Variants in RTL9 observed in about 807,000 individuals in gnomAD.
The protein encoded by RTL9 is retrotransposon Gag like 9.
Under a neutral mutation model 44.7 loss-of-function variants are expected in RTL9, and 19 were observed. The ratio of observed to expected loss-of-function variants is 0.42; its 90% confidence interval spans 0.30 to 0.62. RTL9 has a LOEUF of 0.62. Ranked by LOEUF, RTL9 falls within the 20% of genes least tolerant of loss-of-function variation. The probability of loss-of-function intolerance (pLI) is 0.16; values close to 1 mark genes in which losing one functional copy is unlikely to be tolerated. For missense variants in RTL9, 1,105 were observed against 1,080.6 expected, an observed-to-expected ratio of 1.02 and a Z score of -0.32; for synonymous variants, 407 against 398.9, an observed-to-expected ratio of 1.02 and a Z score of -0.24.
upstream of RTL9, among the ~76,000 whole-genome samples, chrX:110,417,568 T>G (rs2068686887): frequency 8.9e-6 from 1 of 111,922 alleles, no homozygotes; most frequent in Non-Finnish European, 1.9e-5. Context: ...GGTTTTGTGA[T>G]GGAGGTGGGT....
intron 1 of RTL9, among the ~76,000 whole-genome samples, chrX:110,374,155 T>C (rs1167884764): frequency 1.8e-5 from 2 of 111,899 alleles, no homozygotes. Flanking sequence ...ATTAAAACCA[T>C]GTACCTAGTT....
At chrX:110,422,728 G>A (rs940729664) in intron 1 of RTL9, among the ~76,000 whole-genome samples, 3 of 112,029 alleles carry the variant, frequency 2.7e-5, no homozygotes, top group African/African-American at 9.7e-5. Context: ...GAACTTATAT[G>A]CTCTTTCCAA....
exon 2 of RTL9, chrX:110,455,259 G>C: frequency 1.7e-6 from 2 of 1,210,415 alleles, no homozygotes; most frequent in Non-Finnish European, 2.2e-6. Flanking sequence ...CCCCCAAGAA[G>C]GTCTTCATGA....
At chrX:110,388,349 G>A (rs935181768) in intron 1 of RTL9, among the ~76,000 whole-genome samples, 1 of 111,727 alleles carries the variant, frequency 9.0e-6, no homozygotes, top group African/African-American at 3.3e-5. Flanking sequence ...TTCCAAACCT[G>A]GGTGTGTTAA....
At chrX:110,415,821 G>T (rs1270575827), upstream of RTL9, among the ~76,000 whole-genome samples, 2 of 111,265 alleles carry the variant, frequency 1.8e-5, no homozygotes, top group Non-Finnish European at 3.8e-5. Context: ...TGGGAGTCAG[G>T]TTTGCTGAGT....
chrX:110,453,618 A>G (rs2068961101), exon 1 of RTL9: 3 of 1,210,631 alleles, frequency 2.5e-6, no homozygotes, highest in Admixed American at 2.2e-5. Flanking sequence ...CTCTAGATCT[A>G]TGTCCTTGTC....
At chrX:110,435,480 A>G (rs1212922040) in intron 1 of RTL9, among the ~76,000 whole-genome samples, 1 of 111,977 alleles carries the variant, frequency 8.9e-6, no homozygotes, top group Non-Finnish European at 1.9e-5. Context: ...AGGAGTCCTA[A>G]CACTTTAATT....
At chrX:110,386,726 A>G (rs1442332474) in intron 1 of RTL9, among the ~76,000 whole-genome samples, 1 of 111,925 alleles carries the variant, frequency 8.9e-6, no homozygotes, top group Non-Finnish European at 1.9e-5. Context: ...AATGAGATCT[A>G]AAATCACCTG....
In RTL9 at chrX:110,453,707, A is replaced by G. The variant is rs780678272; in HGVS notation, c.3090A>G (p.Ser1030=). Residue 1030 remains serine, a synonymous_variant, in exon 1 of 2, where the codon TCA becomes TCG. Transcript: ENST00000540313. ...CTGCTTCTGGAGCAAGGTCCACATC[A>G]TTTATGAGAGCCTCAGTTTCTGGAT... 13 of 1,210,070 alleles carry G rather than the reference A, an allele frequency of 1.1e-5. No homozygotes were observed. In the East Asian group the frequency reaches 3.9e-4, roughly 36 times the overall value.
chrX:110,387,387 T>C (rs2068463099), intron 1 of RTL9, among the ~76,000 whole-genome samples: 1 of 112,146 alleles, frequency 8.9e-6, no homozygotes, highest in African/African-American at 3.2e-5. Context: ...AAATTTCACA[T>C]AAAATATTAA....
intron 1 of RTL9, among the ~76,000 whole-genome samples, chrX:110,388,220 C>T (rs1302247197): frequency 9.0e-6 from 1 of 111,723 alleles, no homozygotes; most frequent in South Asian, 3.8e-4. Context: ...AAGGGGCCCA[C>T]ATCAAGTTTT....
chrX:110,361,248 C>G (rs1031347166), intron 1 of RTL9, among the ~76,000 whole-genome samples: 3 of 111,243 alleles, frequency 2.7e-5, no homozygotes, highest in African/African-American at 9.8e-5. Context: ...CTTTCATATC[C>G]TACATTTATT....
At chrX:110,436,808 G>C (rs1398448761) in intron 1 of RTL9, among the ~76,000 whole-genome samples, 1 of 112,186 alleles carries the variant, frequency 8.9e-6, no homozygotes, top group African/African-American at 3.2e-5. Flanking sequence ...GAGGAGGAGA[G>C]CAGCTATGGG....
exon 1 of RTL9, chrX:110,451,863 A>C (rs2068943984): frequency 2.5e-6 from 3 of 1,211,393 alleles, no homozygotes; most frequent in Non-Finnish European, 3.4e-6. Flanking sequence ...CACACCGCTA[A>C]TGGGAGCCCC....
upstream of RTL9, among the ~76,000 whole-genome samples, chrX:110,415,687 T>C (rs1293502393): frequency 9.0e-6 from 1 of 111,116 alleles, no homozygotes; most frequent in Non-Finnish European, 1.9e-5. Flanking sequence ...TTCAAGAATT[T>C]TCCAAGCTCC....
chrX:110,403,814 G>A (rs1166372119), intron 1 of RTL9, among the ~76,000 whole-genome samples: 1 of 112,395 alleles, frequency 8.9e-6, no homozygotes, highest in Non-Finnish European at 1.9e-5. Flanking sequence ...CAATGTACTT[G>A]ATTACTGGGT....
At chrX:110,432,065 G>A (rs372132631) in intron 1 of RTL9, among the ~76,000 whole-genome samples, 54 of 112,092 alleles carry the variant, frequency 4.8e-4, no homozygotes, top group African/African-American at 1.7e-3. Flanking sequence ...CATTTCTTGA[G>A]CTTTATGGCA....
chrX:110,399,098 T>C (rs1012910902), intron 1 of RTL9, among the ~76,000 whole-genome samples: 3 of 112,308 alleles, frequency 2.7e-5, no homozygotes, highest in African/African-American at 9.7e-5. Context: ...ACTCATGGTC[T>C]CTTGTTCTTT....
chrX:110,375,560 G>GAATC (rs754150916), intron 1 of RTL9, among the ~76,000 whole-genome samples: 11 of 103,569 alleles, frequency 1.1e-4, no homozygotes, highest in Non-Finnish European at 1.5e-4. Context: ...ATGAATGAAT[G>GAATC]AATCAATCAA....
Sources: gnomAD v4.1 joint callset for allele counts (sites outside exome capture counted in the v4.1 genomes callset) on GRCh38, gnomAD v4.1.1 for gene constraint, MANE v1.5 for transcripts, NCBI Gene and HGNC (gene_info 2026-07-23, HGNC 2026-07-21) for gene names.